The following AHNAK variants were observed in gnomAD, a reference collection of about 807,000 sequenced individuals.
The protein encoded by AHNAK is neuroblast differentiation-associated protein AHNAK.
In AHNAK, 23 loss-of-function variants were observed where a neutral mutation model predicts 37.8. That is an observed-to-expected ratio of 0.61 (90% CI 0.44 to 0.86). AHNAK has a LOEUF of 0.86. Ranked by LOEUF, AHNAK falls within the 40% of genes least tolerant of loss-of-function variation. The probability of loss-of-function intolerance (pLI) is 0.00; values close to 1 mark genes in which losing one functional copy is unlikely to be tolerated. For synonymous variants in AHNAK, 2,481 were observed against 2,636.3 expected (o/e 0.94, Z 1.80); for missense variants, 7,411 against 7,319.4 (o/e 1.01, Z -0.46).
Position 62,528,519 on chromosome 11 carries a change from C to A in AHNAK, c.5898G>T (p.Glu1966Asp). The change falls in exon 5 of 5, where the codon GAG becomes GAT. Residue 1966 changes from glutamate to aspartate, a missense_variant. Glu to Asp is a conservative substitution (Grantham distance 45). Coordinates refer to ENST00000378024, the MANE Select transcript of AHNAK (RefSeq NM_001620.3). ...GCCCTTTCAACTTTGCATCAGGACA[C>A]TCCAGCTCAACATCAGGCACCTCCA... ...VGVEVPDVEL[E>D]CPDAKLKGPK... is the part of the protein sequence containing the mutation. The A allele has an allele frequency of 6.2e-7, 1 of 1,611,376 alleles. No individual in the cohort carries two copies. The highest frequency in any genetic ancestry group is 1.3e-5 in the African/African-American group (1 of 74,198).
chr11:62,464,488 C>A (rs1049362930), intron 5 of AHNAK, among the ~76,000 whole-genome samples: 1 of 151,948 alleles, frequency 6.6e-6, no homozygotes, highest in Non-Finnish European at 1.5e-5. Context: ...ACCAACATGG[C>A]GAAATCCTGT....
intron 5 of AHNAK, among the ~76,000 whole-genome samples, chr11:62,480,392 T>C (rs552807415): frequency 1.3e-5 from 2 of 152,194 alleles, no homozygotes; most frequent in Admixed American, 6.5e-5. Flanking sequence ...CCAGGCACAG[T>C]GACTCACGCC....
chr11:62,503,614 A>G (rs1263133935), intron 4 of AHNAK, among the ~76,000 whole-genome samples: 1 of 151,678 alleles, frequency 6.6e-6, no homozygotes, highest in African/African-American at 2.4e-5. Flanking sequence ...AAAAAAAGTG[A>G]GTGTTTGCAG....
At chr11:62,455,428 G>A (rs534248281) in intron 5 of AHNAK, among the ~76,000 whole-genome samples, 19 of 151,960 alleles carry the variant, frequency 1.3e-4, no homozygotes, top group Non-Finnish European at 2.6e-4. Context: ...AAATGTGGCC[G>A]GGCGTGGTGG....
At position 62,477,916 on chromosome 11, in the gene AHNAK, G is replaced by C. The variant is rs1378977340; in HGVS notation, c.442+13816C>G. ...CTGGAAGATAATTGGCTTAGGGGATGGGGGGCCTTCCTGGCCAAGGAGTAA... is the reference window on the plus strand; with the variant it reads ...CTGGAAGATAATTGGCTTAGGGGATCGGGGGCCTTCCTGGCCAAGGAGTAA... On this transcript the variant is annotated intron_variant, in intron 5 of 5. Transcript: ENST00000257247. Among the ~76,000 whole-genome samples, 4 of 152,134 alleles carry C rather than the reference G, an allele frequency of 2.6e-5. No individual in the cohort carries two copies. The East Asian group carries it at 7.7e-4, about 29-fold the overall frequency.
intron 5 of AHNAK, among the ~76,000 whole-genome samples, chr11:62,489,495 C>T (rs1050143020): frequency 1.3e-5 from 2 of 152,288 alleles, no homozygotes; most frequent in African/African-American, 4.8e-5. Flanking sequence ...TATTTAAGCT[C>T]AGTCTATCCA....
chr11:62,503,397 C>A (rs1939749791), intron 4 of AHNAK, among the ~76,000 whole-genome samples: 1 of 152,068 alleles, frequency 6.6e-6, no homozygotes, highest in African/African-American at 2.4e-5. Flanking sequence ...ACCAGCCTGG[C>A]CAACATGGTG....
Position 62,522,701 on chromosome 11 carries a change from C to G in AHNAK, c.11716G>C (p.Asp3906His), listed in dbSNP as rs761034194. 1 of 1,612,972 alleles carries G rather than the reference C, an allele frequency of 6.2e-7. No individual in the cohort carries two copies. Among genetic ancestry groups the G allele is most frequent in the East Asian group, 2.2e-5 (1 of 44,816 alleles). ...ACTTTGGGGCCTTTAATATCCAAGT[C>G]AGGAACTTGCATGTCACCTTCCACT... The part of the protein sequence containing the change: ...PKVEGDMQVP[D>H]LDIKGPKVDI... Residue 3906 changes from aspartate to histidine, a missense_variant, in exon 5 of 5, where the codon GAC becomes CAC. Coordinates refer to ENST00000378024, the MANE Select transcript of AHNAK (RefSeq NM_001620.3).
intron 5 of AHNAK, among the ~76,000 whole-genome samples, chr11:62,475,602 C>CT (rs55773953): frequency 0.057 from 6,657 of 117,614 alleles, 948 homozygotes; most frequent in African/African-American, 0.23. Flanking sequence ...TTATGTTATA[C>CT]TTTTTTTTTT....
At chr11:62,467,555 C>T (rs1938937879) in intron 5 of AHNAK, among the ~76,000 whole-genome samples, 3 of 152,266 alleles carry the variant, frequency 2.0e-5, no homozygotes, top group South Asian at 4.1e-4. Flanking sequence ...CATGGTAGCG[C>T]GCGCCTGTAA....
intron 1 of AHNAK, among the ~76,000 whole-genome samples, chr11:62,537,828 G>A (rs900091119): frequency 6.6e-6 from 1 of 151,854 alleles, no homozygotes; most frequent in Admixed American, 6.6e-5. Flanking sequence ...GATTACAGGC[G>A]CCCGCCACCA....
At chr11:62,545,836 G>GC (rs1941290557) in intron 1 of AHNAK, 1 of 152,382 alleles carries the variant, frequency 6.6e-6, no homozygotes, top group Non-Finnish European at 1.5e-5. Context: ...TGGGGCGGGG[G>GC]CCATCCCGCC....
chr11:62,529,668 A>C lies in AHNAK; in HGVS notation c.4749T>G (p.Asp1583Glu). The change falls in exon 5 of 5, where the codon GAT (aspartate) becomes GAG (glutamate). Residue 1583 changes from aspartate to glutamate, a missense_variant. Coordinates refer to ENST00000378024, the MANE Select transcript of AHNAK (RefSeq NM_001620.3). ...NIQTHKISMP[D>E]VGLNLKAPKL... Reference sequence around the variant, plus strand: ...TAGGGGCTTTCAAATTAAGTCCAACATCAGGCATAGAGATTTTGTGCGTCT... The same window carrying C: ...TAGGGGCTTTCAAATTAAGTCCAACCTCAGGCATAGAGATTTTGTGCGTCT... 1.9e-6 allele frequency: 3 copies of C among 1,614,164 alleles called. No individual in the cohort carries two copies. Among genetic ancestry groups the C allele is most frequent in the Non-Finnish European group, 2.5e-6 (3 of 1,180,036 alleles).
chr11:62,455,201 G>A (rs1475706951), intron 5 of AHNAK, among the ~76,000 whole-genome samples: 1 of 151,476 alleles, frequency 6.6e-6, no homozygotes, highest in East Asian at 2.0e-4. Flanking sequence ...CCAAAGTGCT[G>A]GGATTACAGG....
chr11:62,472,477 C>G (rs1199021396), intron 5 of AHNAK, among the ~76,000 whole-genome samples: 1 of 152,048 alleles, frequency 6.6e-6, no homozygotes, highest in Non-Finnish European at 1.5e-5. Context: ...AGAAACCACC[C>G]CAATCCCAAG....
chr11:62,519,147 G>A lies in AHNAK; in HGVS notation c.15270C>T (p.Phe5090=), dbSNP rs1940135138. ...ATTTAATGTCAAACTCTACATCTGGGAAGTACATTTTTCCAAACATCGTTT... is the reference window on the plus strand; with the variant it reads ...ATTTAATGTCAAACTCTACATCTGGAAAGTACATTTTTCCAAACATCGTTT... The part of the protein sequence containing the change: ...TKKTMFGKMY[F]PDVEFDIKSP... The change falls in exon 5 of 5, where the codon TTC becomes TTT. Residue 5090 remains phenylalanine, a synonymous_variant. Transcript: ENST00000378024. The A allele has an allele frequency of 4.3e-6, 7 of 1,613,750 alleles. No individual in the cohort carries two copies. Among genetic ancestry groups the A allele is most frequent in the Admixed American group, 1.7e-5 (1 of 59,938 alleles).
At chr11:62,483,858 CAAA>C (rs1173299582) in intron 5 of AHNAK, among the ~76,000 whole-genome samples, 1 of 77,884 alleles carries the variant, frequency 1.3e-5, no homozygotes, top group Admixed American at 1.5e-4. Context: ...GACTCCATCT[CAAA>C]AAAAAAAAAA....
chr11:62,435,462 A>G (rs3018617), intron 5 of AHNAK, among the ~76,000 whole-genome samples: 44,084 of 151,758 alleles, frequency 0.29, 8,277 homozygotes, highest in East Asian at 0.63. Flanking sequence ...CCAGGCTGGA[A>G]TGCAGTGGCG....
At chr11:62,462,881 A>G (rs1418626573) in intron 5 of AHNAK, among the ~76,000 whole-genome samples, 1 of 152,206 alleles carries the variant, frequency 6.6e-6, no homozygotes, top group Non-Finnish European at 1.5e-5. Context: ...CTATGATCCC[A>G]GCACTTTGGG....
Sources: allele counts gnomAD v4.1 joint callset (sites outside exome capture counted in the v4.1 genomes callset), GRCh38; gene constraint gnomAD v4.1.1; transcripts MANE v1.5; gene names NCBI Gene and HGNC (gene_info 2026-07-23, HGNC 2026-07-21).